NHSL2: variants seen among roughly 807,000 people sequenced by gnomAD.
NHSL2 encodes NHS-like protein 2.
In NHSL2, 27 loss-of-function variants were observed where a neutral mutation model predicts 53.4. That is an observed-to-expected ratio of 0.51 (90% CI 0.37 to 0.70). The LOEUF (loss-of-function observed/expected upper bound fraction) is 0.70, where lower values mean the gene tolerates loss of function less well. NHSL2 is among the 30% of genes least tolerant of loss of function. The pLI, the probability that NHSL2 is intolerant of heterozygous loss-of-function variation, is 0.00. For synonymous variants in NHSL2, 408 were observed against 404.1 expected, an observed-to-expected ratio of 1.01 and a Z score of -0.12; for missense variants, 892 against 980.1, an observed-to-expected ratio of 0.91 and a Z score of 1.20.
At chrX:72,046,789 G>T (rs906533791) in intron 1 of NHSL2, among the ~76,000 whole-genome samples, 2 of 110,673 alleles carry the variant, frequency 1.8e-5, no homozygotes, top group African/African-American at 6.6e-5. Context: ...CCTTTTGCTG[G>T]CCCAGAGCAA....
At chrX:72,013,536 CTTT>C (rs60217492) in intron 1 of NHSL2, among the ~76,000 whole-genome samples, 1 of 96,750 alleles carries the variant, frequency 1.0e-5, no homozygotes. Context: ...CTTTTTTCTT[CTTT>C]TTTTTTTTTT....
At chrX:72,072,226 C>T (rs771628460) in intron 1 of NHSL2, among the ~76,000 whole-genome samples, 4 of 112,602 alleles carry the variant, frequency 3.6e-5, no homozygotes, top group Non-Finnish European at 5.6e-5. Context: ...ATAACTAATA[C>T]ATCAAACCCA....
intron 1 of NHSL2, among the ~76,000 whole-genome samples, chrX:71,956,814 A>G (rs1248099921): frequency 9.0e-6 from 1 of 110,561 alleles, no homozygotes; most frequent in African/African-American, 3.3e-5. Flanking sequence ...ACTGCCCCAC[A>G]CTCCATTCCC....
At chrX:72,093,345 G>A (rs1204094728) in intron 1 of NHSL2, among the ~76,000 whole-genome samples, 1 of 112,238 alleles carries the variant, frequency 8.9e-6, no homozygotes, top group African/African-American at 3.2e-5. Context: ...CAGATATATT[G>A]GAATTTGTTG....
intron 1 of NHSL2, among the ~76,000 whole-genome samples, chrX:72,007,220 A>G (rs546007165): frequency 8.9e-6 from 1 of 112,655 alleles, no homozygotes; most frequent in Admixed American, 9.3e-5. Flanking sequence ...AAACGTCTGC[A>G]TTGGTGGTTC....
chrX:71,945,121 A>C (rs1010135821), intron 1 of NHSL2, among the ~76,000 whole-genome samples: 5 of 109,951 alleles, frequency 4.5e-5, no homozygotes, highest in African/African-American at 1.6e-4. Context: ...ACTCTGAGGC[A>C]GTTGGGGGGG....
chrX:72,086,561 G>A (rs566036853), intron 1 of NHSL2, among the ~76,000 whole-genome samples: 7 of 109,754 alleles, frequency 6.4e-5, no homozygotes, highest in South Asian at 4.0e-4. Context: ...GCAGGTGCCT[G>A]TAATCCCAGC....
intron 1 of NHSL2, among the ~76,000 whole-genome samples, chrX:72,087,607 C>T (rs2041860009): frequency 8.9e-6 from 1 of 112,863 alleles, no homozygotes; most frequent in South Asian, 3.6e-4. Context: ...CGCGGTGGCT[C>T]ACGCCTGTAA....
chrX:72,032,557 A>C (rs750145537), intron 1 of NHSL2, among the ~76,000 whole-genome samples: 1 of 111,458 alleles, frequency 9.0e-6, no homozygotes, highest in South Asian at 3.8e-4. Context: ...TGACTTTTTT[A>C]ATTTCAAGAA....
At chrX:71,980,766 C>T (rs759445561) in intron 1 of NHSL2, among the ~76,000 whole-genome samples, 5 of 111,103 alleles carry the variant, frequency 4.5e-5, no homozygotes, top group African/African-American at 6.6e-5. Flanking sequence ...CAATGTGGGA[C>T]AAGTTAATCT....
chrX:71,955,803 T>G (rs1229354418), intron 1 of NHSL2, among the ~76,000 whole-genome samples: 1 of 110,061 alleles, frequency 9.1e-6, no homozygotes, highest in Admixed American at 9.6e-5. Flanking sequence ...GACTTTTTTT[T>G]TTTTTTAGTT....
In NHSL2 at chrX:72,137,304, G is replaced by A. The variant is rs973243604; in HGVS notation, c.892+79G>A. 1.2e-5 allele frequency: 12 copies of A among 978,093 alleles called. No homozygotes were observed. In the South Asian group the frequency reaches 2.4e-4, roughly 20 times the overall value. 80.6% of individuals were successfully genotyped at this position (978,093 alleles called of 1,213,427 possible). Reference sequence around the variant, plus strand: ...ATCCTGCCACCCAGGTGGTACTGTGGTGATGGGGAACAGGAATAATTGGGT... The same window carrying A: ...ATCCTGCCACCCAGGTGGTACTGTGATGATGGGGAACAGGAATAATTGGGT... On this transcript the variant is annotated intron_variant, in intron 5 of 7. Coordinates refer to ENST00000633930, the MANE Select transcript of NHSL2 (RefSeq NM_001013627.3).
chrX:72,067,692 A>G (rs1371940649), intron 1 of NHSL2, among the ~76,000 whole-genome samples: 1 of 111,445 alleles, frequency 9.0e-6, no homozygotes, highest in Non-Finnish European at 1.9e-5. Flanking sequence ...TTGCTCTGGG[A>G]CCTCTATTTC....
intron 1 of NHSL2, among the ~76,000 whole-genome samples, chrX:72,095,513 A>G (rs2041936851): frequency 8.9e-6 from 1 of 112,535 alleles, no homozygotes; most frequent in Non-Finnish European, 1.9e-5. Flanking sequence ...AAATAAGGTC[A>G]CTGTAGTTAG....
chrX:71,916,948 A>G (rs1306064981), intron 1 of NHSL2, among the ~76,000 whole-genome samples: 2 of 111,628 alleles, frequency 1.8e-5, no homozygotes, highest in East Asian at 5.7e-4. Context: ...AGAGTCCTCT[A>G]CTGTCAGTTG....
chrX:72,031,759 T>C (rs1380342852), intron 1 of NHSL2, among the ~76,000 whole-genome samples: 1 of 109,169 alleles, frequency 9.2e-6, no homozygotes, highest in Admixed American at 9.7e-5. Context: ...AAAAAACCAG[T>C]TCTGACATGT....
chrX:72,139,526 G>T lies in NHSL2; in HGVS notation c.1978G>T (p.Gly660Cys), dbSNP rs778794700. ...QSLSSSSTAT[G>C]TTVIECTQVQ... The stretch of plus-strand genomic sequence containing the variant: ...CCTGTCCAGCTCCAGCACTGCCACT[G>T]GCACCACAGTCATTGAGTGCACCCA... The change falls in exon 6 of 8, where the codon GGC becomes TGC. Residue 660 changes from glycine (G) to cysteine (C), a missense_variant. Physicochemically the swap from Gly to Cys is radical, Grantham distance 159. Coordinates refer to ENST00000633930, the MANE Select transcript of NHSL2 (RefSeq NM_001013627.3). The T allele has an allele frequency of 8.3e-7, 1 of 1,211,165 alleles. No individual in the cohort carries two copies. The highest frequency in any genetic ancestry group is 1.8e-5 in the South Asian group (1 of 56,879).
intron 1 of NHSL2, among the ~76,000 whole-genome samples, chrX:71,972,901 T>TG (rs57950678): frequency 3.6e-4 from 40 of 109,831 alleles, no homozygotes; most frequent in Non-Finnish European, 6.1e-4. Context: ...TGTGTGTGTG[T>TG]TTGGCTTGGA....
At chrX:72,111,886 G>T (rs1474346597) in intron 1 of NHSL2, among the ~76,000 whole-genome samples, 1 of 111,434 alleles carries the variant, frequency 9.0e-6, no homozygotes, top group Non-Finnish European at 1.9e-5. Context: ...AAGGCAAACA[G>T]ACAGTCATCA....
Sources: allele counts gnomAD v4.1 joint callset (sites outside exome capture counted in the v4.1 genomes callset), GRCh38; gene constraint gnomAD v4.1.1; transcripts MANE v1.5; gene names NCBI Gene and HGNC (gene_info 2026-07-23, HGNC 2026-07-21).